The following EXOC6B variants were observed in gnomAD, a reference collection of about 807,000 sequenced individuals.
The protein encoded by EXOC6B is SEC15 homolog B.
A neutral mutation model predicts 113.5 loss-of-function variants in EXOC6B; 54 were observed. The ratio of observed to expected loss-of-function variants is 0.48; its 90% CI spans 0.38 to 0.60. EXOC6B has a LOEUF of 0.60. Ranked by LOEUF, EXOC6B falls within the 20% of genes least tolerant of loss-of-function variation. The pLI, the probability that EXOC6B is intolerant of heterozygous loss-of-function variation, is 0.00. For synonymous variants in EXOC6B, 357 were observed against 339.0 expected, an observed-to-expected ratio of 1.05 and a Z score of -0.58; for missense variants, 797 against 977.5, an observed-to-expected ratio of 0.82 and a Z score of 2.46.
At chr2:72,299,019 G>A (rs1167036786) in intron 20 of EXOC6B, among the ~76,000 whole-genome samples, 1 of 152,052 alleles carries the variant, frequency 6.6e-6, no homozygotes, top group African/African-American at 2.4e-5. Context: ...TCCTGAATTT[G>A]AATGTTGGCC....
intron 6 of EXOC6B, among the ~76,000 whole-genome samples, chr2:72,690,889 G>T (rs1237545240): frequency 6.6e-6 from 1 of 152,114 alleles, no homozygotes; most frequent in Admixed American, 6.6e-5. Flanking sequence ...ATCTTATTTG[G>T]AATTAGGGTC....
intron 20 of EXOC6B, among the ~76,000 whole-genome samples, chr2:72,305,118 C>T (rs1686755589): frequency 6.6e-6 from 1 of 152,090 alleles, no homozygotes; most frequent in Admixed American, 6.6e-5. Context: ...CTTATTTAAT[C>T]ATCACAAGTG....
At chr2:72,579,879 C>A (rs967298830) in intron 6 of EXOC6B, among the ~76,000 whole-genome samples, 1 of 151,996 alleles carries the variant, frequency 6.6e-6, no homozygotes, top group African/African-American at 2.4e-5. Context: ...GCTTCAATAA[C>A]AGGGGAGAAA....
intron 1 of EXOC6B, among the ~76,000 whole-genome samples, chr2:72,783,187 T>TTG (rs977980852): frequency 1.3e-5 from 1 of 76,978 alleles, no homozygotes; most frequent in African/African-American, 1.1e-4. Flanking sequence ...TTTGTTGGGG[T>TTG]TTTTTTTTTT....
chr2:72,327,003 T>G (rs1219457787), intron 20 of EXOC6B, among the ~76,000 whole-genome samples: 1 of 151,976 alleles, frequency 6.6e-6, no homozygotes, highest in Non-Finnish European at 1.5e-5. Context: ...GGGAAATATG[T>G]CAAAAGCCTG....
chr2:72,799,017 T>C (rs1685132131), intron 1 of EXOC6B, among the ~76,000 whole-genome samples: 2 of 151,928 alleles, frequency 1.3e-5, no homozygotes, highest in Admixed American at 1.3e-4. Context: ...GGTAGGTGAA[T>C]TGCTTGAGCC....
At chr2:72,478,238 T>C (rs1404968101) in intron 17 of EXOC6B, among the ~76,000 whole-genome samples, 1 of 152,196 alleles carries the variant, frequency 6.6e-6, no homozygotes, top group Non-Finnish European at 1.5e-5. Flanking sequence ...CATTCTCTTT[T>C]GTAAGAGAGT....
At chr2:72,306,841 T>A (rs1044537874) in intron 20 of EXOC6B, among the ~76,000 whole-genome samples, 3 of 152,204 alleles carry the variant, frequency 2.0e-5, no homozygotes, top group Non-Finnish European at 2.9e-5. Context: ...AACATGATAA[T>A]AGTTCCTAAT....
intron 19 of EXOC6B, among the ~76,000 whole-genome samples, chr2:72,371,001 A>AT (rs748087468): frequency 1.3e-5 from 2 of 151,490 alleles, no homozygotes; most frequent in Non-Finnish European, 2.9e-5. Flanking sequence ...AGTATAATAA[A>AT]AATATATATA....
chr2:72,274,029 G>C (rs569429765), intron 20 of EXOC6B, among the ~76,000 whole-genome samples: 1 of 152,192 alleles, frequency 6.6e-6, no homozygotes, highest in Admixed American at 6.6e-5. Flanking sequence ...TTCAGCGTTT[G>C]GAATGAAATG....
intron 6 of EXOC6B, among the ~76,000 whole-genome samples, chr2:72,639,027 G>C (rs1276365034): frequency 6.6e-6 from 1 of 152,176 alleles, no homozygotes; most frequent in Admixed American, 6.5e-5. Context: ...GGAAGAGCTT[G>C]AGTAGGGCAG....
chr2:72,616,705 C>A (rs1459803758), intron 6 of EXOC6B, among the ~76,000 whole-genome samples: 1 of 152,142 alleles, frequency 6.6e-6, no homozygotes, highest in East Asian at 1.9e-4. Context: ...CACCGAGTCC[C>A]TCCCACAACA....
intron 6 of EXOC6B, among the ~76,000 whole-genome samples, chr2:72,608,515 G>C (rs1462988815): frequency 6.6e-6 from 1 of 151,948 alleles, no homozygotes; most frequent in East Asian, 1.9e-4. Context: ...CCCCAAAATA[G>C]TCAAATATGC....
At chr2:72,732,444 T>C (rs572775237) in intron 3 of EXOC6B, among the ~76,000 whole-genome samples, 51 of 152,138 alleles carry the variant, frequency 3.4e-4, no homozygotes, top group Non-Finnish European at 6.3e-4. Flanking sequence ...TTAGAGCGTA[T>C]AATCTCAGCC....
At chr2:72,294,047 T>C (rs1685970925) in intron 20 of EXOC6B, among the ~76,000 whole-genome samples, 1 of 148,830 alleles carries the variant, frequency 6.7e-6, no homozygotes, top group South Asian at 2.2e-4. Flanking sequence ...ACAATAAAAG[T>C]AGTCATGATA....
chr2:72,522,229 T>C (rs1168858999), intron 8 of EXOC6B, among the ~76,000 whole-genome samples: 1 of 152,188 alleles, frequency 6.6e-6, no homozygotes, highest in Non-Finnish European at 1.5e-5. Context: ...ATTCACTGGC[T>C]ACTTGATTTA....
chr2:72,371,176 A>G (rs1446220146), intron 19 of EXOC6B, among the ~76,000 whole-genome samples: 4 of 152,128 alleles, frequency 2.6e-5, no homozygotes, highest in African/African-American at 4.8e-5. Context: ...ACACAAATCA[A>G]TAACAAGTAA....
At chr2:72,286,980 T>G (rs1030791623) in intron 20 of EXOC6B, among the ~76,000 whole-genome samples, 2 of 152,008 alleles carry the variant, frequency 1.3e-5, no homozygotes, top group Middle Eastern at 3.2e-3. Context: ...AAGCTAAAAA[T>G]GTGTCTCAGG....
intron 6 of EXOC6B, among the ~76,000 whole-genome samples, chr2:72,601,373 C>A (rs1455351442): frequency 6.6e-6 from 1 of 151,974 alleles, no homozygotes; most frequent in Non-Finnish European, 1.5e-5. Context: ...TTAGTAGAGA[C>A]GGGGTTTCAC....
Sources: allele counts gnomAD v4.1 joint callset (sites outside exome capture counted in the v4.1 genomes callset), GRCh38; gene constraint gnomAD v4.1.1; transcripts MANE v1.5; gene names NCBI Gene and HGNC (gene_info 2026-07-23, HGNC 2026-07-21).